MCM6: variants seen among roughly 807,000 people sequenced by gnomAD.
MCM6 encodes minichromosome maintenance complex component 6.
MCM6 carries 46 observed loss-of-function variants against 94.3 expected under a neutral mutation model. The ratio of observed to expected loss-of-function variants is 0.49; its 90% confidence interval spans 0.39 to 0.62. The LOEUF (loss-of-function observed/expected upper bound fraction) is 0.62, where lower values mean the gene tolerates loss of function less well. MCM6 is among the 20% of genes least tolerant of loss of function. MCM6 has a pLI of 0.00. For missense variants in MCM6, 865 were observed against 1,017.9 expected, an observed-to-expected ratio of 0.85 and a Z score of 2.04; for synonymous variants, 335 against 351.9, an observed-to-expected ratio of 0.95 and a Z score of 0.54.
chr2:135,865,096 T>G lies in MCM6; in HGVS notation c.995A>C (p.Lys332Thr). 4 of 1,583,224 alleles carry G rather than the reference T, an allele frequency of 2.5e-6. No individual in the cohort carries two copies. The highest frequency in any genetic ancestry group is 3.4e-6 in the Non-Finnish European group (4 of 1,165,390). Reference sequence around the variant, plus strand: ...CATCTCAAACACTTTCTCCCATTCTTTCACAGTCATTTGGTTCTTAATGCT... The same window carrying G: ...CATCTCAAACACTTTCTCCCATTCTGTCACAGTCATTTGGTTCTTAATGCT... ...AESIKNQMTV[K>T]EWEKVFEMSQ... The change falls in exon 7 of 17, where the codon AAA (lysine) becomes ACA (threonine). Residue 332 changes from lysine to threonine, a missense_variant. Coordinates refer to ENST00000264156, the MANE Select transcript of MCM6 (RefSeq NM_005915.6).
Position 135,848,133 on chromosome 2 carries a change from C to A in MCM6, c.1973G>T (p.Arg658Leu). ...TAGATTGACATCAGGTGTTTCCACA[C>A]GGATGATTGATTTATTCAGTAACCG... The part of the protein sequence containing the change: ...AFRLLNKSII[R>L]VETPDVNLDQ... Residue 658 changes from arginine to leucine, a missense_variant, in exon 14 of 17, where the codon CGT becomes CTT. Arg to Leu is a moderately radical substitution (Grantham distance 102). Coordinates refer to ENST00000264156, the MANE Select transcript of MCM6 (RefSeq NM_005915.6). 1 of 1,611,294 alleles carries A rather than the reference C, an allele frequency of 6.2e-7. No homozygotes were observed. Among genetic ancestry groups the A allele is most frequent in the Non-Finnish European group, 8.5e-7 (1 of 1,177,518 alleles).
chr2:135,854,288 G>A (rs985719549), intron 11 of MCM6, among the ~76,000 whole-genome samples: 9 of 151,860 alleles, frequency 5.9e-5, no homozygotes, highest in African/African-American at 1.5e-4. Flanking sequence ...ACCTCAGCAC[G>A]TTGGGAGGCC....
intron 7 of MCM6, among the ~76,000 whole-genome samples, chr2:135,864,428 G>A (rs1680052007): frequency 6.6e-6 from 1 of 152,110 alleles, no homozygotes; most frequent in South Asian, 2.1e-4. Context: ...CCAGGAGGGA[G>A]TGCTTCAGCC....
intron 1 of MCM6, 80 bp downstream of exon 1, chr2:135,876,179 C>T (rs981266507): frequency 1.4e-4 from 164 of 1,152,268 alleles, no homozygotes; most frequent in Middle Eastern, 3.1e-4. Flanking sequence ...TCCGGAACAC[C>T]CGCCGCCCAC....
chr2:135,875,101 T>A (rs984278789), intron 1 of MCM6, among the ~76,000 whole-genome samples: 1 of 152,160 alleles, frequency 6.6e-6, no homozygotes. Flanking sequence ...CCGGACACGG[T>A]GGCTCACGCC....
At chr2:135,860,630 T>C (rs897182806) in intron 8 of MCM6, among the ~76,000 whole-genome samples, 1 of 152,186 alleles carries the variant, frequency 6.6e-6, no homozygotes, top group African/African-American at 2.4e-5. Flanking sequence ...TAAACAGATG[T>C]AGAAAAAGCA....
chr2:135,866,093 C>T, intron 6 of MCM6, 39 bp downstream of exon 6: 3 of 1,610,666 alleles, frequency 1.9e-6, no homozygotes, highest in Non-Finnish European at 2.5e-6. Context: ...CAGAGAGAGA[C>T]TGTTTCAAAA....
chr2:135,857,162 A>G (rs1291069608), intron 10 of MCM6, among the ~76,000 whole-genome samples: 1 of 152,238 alleles, frequency 6.6e-6, no homozygotes, highest in East Asian at 1.9e-4. Context: ...AACACTGAAA[A>G]TGAACCAAAT....
chr2:135,862,541 G>A, intron 8 of MCM6, 66 bp downstream of exon 8: 2 of 1,571,922 alleles, frequency 1.3e-6, no homozygotes, highest in Non-Finnish European at 1.7e-6. Flanking sequence ...TGCATTCTTG[G>A]TAGCACAGCC....
intron 12 of MCM6, 177 bp from the exon 13 acceptor site, chr2:135,851,740 A>G (rs1231698980): frequency 2.2e-6 from 1 of 446,564 alleles, no homozygotes; most frequent in African/African-American, 2.0e-5. Flanking sequence ...AACTAATATT[A>G]AGGAGGCTTG....
chr2:135,849,420 T>A (rs1468722234), intron 13 of MCM6, among the ~76,000 whole-genome samples: 3 of 152,212 alleles, frequency 2.0e-5, no homozygotes, highest in African/African-American at 2.4e-5. Flanking sequence ...TTTATAGTAG[T>A]ACAACCTAAC....
chr2:135,856,214 G>A (rs1033562415), intron 11 of MCM6, among the ~76,000 whole-genome samples: 1 of 152,154 alleles, frequency 6.6e-6, no homozygotes, highest in Non-Finnish European at 1.5e-5. Context: ...GCTGAGGTGG[G>A]TGTGCATCAC....
chr2:135,846,115 T>A, intron 15 of MCM6, 122 bp downstream of exon 15: 1 of 942,102 alleles, frequency 1.1e-6, no homozygotes, highest in South Asian at 1.9e-5. Context: ...TAAAGTGAGT[T>A]TATCTAACAA....
chr2:135,866,746 A>T lies in MCM6; in HGVS notation c.616-18T>A. On this transcript the variant is annotated intron_variant, in intron 4 of 16. Coordinates refer to ENST00000264156, the MANE Select transcript of MCM6 (RefSeq NM_005915.6). Reference sequence around the variant, plus strand: ...ATACGAACCTGTAATACAGACAAACAACCAACCAAGAATGAGAAGCAATAC... The same window carrying T: ...ATACGAACCTGTAATACAGACAAACTACCAACCAAGAATGAGAAGCAATAC... 6.3e-7 allele frequency: 1 copy of T among 1,578,014 alleles called. No homozygotes were observed. Among genetic ancestry groups the T allele is most frequent in the Non-Finnish European group, 8.6e-7 (1 of 1,165,756 alleles).
rs768999027 is a variant in MCM6, at chr2:135,847,954, T to C, written c.2053+99A>G. The C allele has an allele frequency of 6.5e-4, 540 of 827,400 alleles. 2 individuals carry two copies. Among genetic ancestry groups the C allele is most frequent in the Non-Finnish European group, 9.7e-4 (496 of 511,894 alleles). The allele number at this position is 827,400 out of a possible 1,614,324, so 51.3% of individuals were successfully genotyped here. A position where few individuals can be genotyped will look rare whatever the true frequency, so the allele number is the denominator to read the frequency against. ...ATCTGCTTTTTCCGTTTTGCTACCA[T>C]AGACTATTAGCCAACAGCAGGTGTA... On this transcript the variant is annotated intron_variant, in intron 14 of 16. Coordinates refer to ENST00000264156, the MANE Select transcript of MCM6 (RefSeq NM_005915.6).
At chr2:135,851,168 G>C (rs1204270553) in intron 13 of MCM6, among the ~76,000 whole-genome samples, 1 of 152,162 alleles carries the variant, frequency 6.6e-6, no homozygotes, top group Non-Finnish European at 1.5e-5. Context: ...GTATTAAATG[G>C]TAACTTACGT....
intron 8 of MCM6, among the ~76,000 whole-genome samples, chr2:135,862,121 C>T (rs1419455744): frequency 6.6e-6 from 1 of 150,548 alleles, no homozygotes; most frequent in Non-Finnish European, 1.5e-5. Context: ...AGTATACCAA[C>T]AAAAAAAGAC....
chr2:135,847,991 T>C (rs1679702842), intron 14 of MCM6, 62 bp downstream of exon 14: 3 of 1,359,196 alleles, frequency 2.2e-6, no homozygotes, highest in Non-Finnish European at 2.1e-6. Context: ...TTCTACCACA[T>C]GACATCTCAG....
intron 10 of MCM6, among the ~76,000 whole-genome samples, chr2:135,857,396 A>T (rs1308701993): frequency 6.6e-6 from 1 of 152,156 alleles, no homozygotes; most frequent in East Asian, 1.9e-4. Context: ...TCCTCCTAAA[A>T]TTCCTTTTTA....
Sources: allele counts gnomAD v4.1 joint callset (sites outside exome capture counted in the v4.1 genomes callset), GRCh38; gene constraint gnomAD v4.1.1; transcripts MANE v1.5; gene names NCBI Gene and HGNC (gene_info 2026-07-23, HGNC 2026-07-21).